Variants in DMD observed in about 807,000 individuals in gnomAD.
DMD encodes mutant dystrophin.
In DMD, 63 loss-of-function variants were observed where a neutral mutation model predicts 330.1. The ratio of observed to expected loss-of-function variants is 0.19; its 90% CI spans 0.16 to 0.24. The LOEUF (loss-of-function observed/expected upper bound fraction) is 0.24. DMD is among the 10% of genes least tolerant of loss of function. The pLI, the probability that DMD is intolerant of heterozygous loss-of-function variation, is 1.00. For missense variants in DMD, 3,344 were observed against 2,684.1 expected, an observed-to-expected ratio of 1.25 and a Z score of -5.43; for synonymous variants, 1,223 against 959.8, an observed-to-expected ratio of 1.27 and a Z score of -5.07.
intron 7 of DMD, among the ~76,000 whole-genome samples, chrX:32,753,471 CAT>C (rs1050834793): frequency 5.4e-5 from 6 of 111,539 alleles, no homozygotes; most frequent in African/African-American, 2.0e-4. Flanking sequence ...TTTTCATACT[CAT>C]AAAGATTTCC....
chrX:32,748,947 G>GTT (rs2070438180), intron 7 of DMD, among the ~76,000 whole-genome samples: 1 of 112,401 alleles, frequency 8.9e-6, no homozygotes, highest in African/African-American at 3.2e-5. Context: ...TAACTGGACT[G>GTT]TTTAATGTGA....
intron 50 of DMD, among the ~76,000 whole-genome samples, chrX:31,807,316 A>G (rs1294534200): frequency 2.7e-5 from 3 of 111,867 alleles, no homozygotes; most frequent in East Asian, 2.8e-4. Context: ...CTGTTTAAAC[A>G]TATTTATTTA....
chrX:31,730,645 G>A (rs2086436780), intron 51 of DMD, among the ~76,000 whole-genome samples: 1 of 111,091 alleles, frequency 9.0e-6, no homozygotes. Context: ...TGAAAAAAAG[G>A]CATCTGACTA....
intron 42 of DMD, among the ~76,000 whole-genome samples, chrX:32,297,085 C>G (rs905799246): frequency 1.8e-5 from 2 of 110,461 alleles, no homozygotes. Context: ...CAGTTAGGCA[C>G]AGTTTTCATC....
chrX:31,877,879 G>T (rs973563417), intron 47 of DMD, among the ~76,000 whole-genome samples: 1 of 111,819 alleles, frequency 8.9e-6, no homozygotes, highest in Non-Finnish European at 1.9e-5. Context: ...GCGTTTTACA[G>T]CTTCAACTAA....
intron 63 of DMD, among the ~76,000 whole-genome samples, chrX:31,236,148 C>T (rs189284294): frequency 8.9e-4 from 100 of 112,362 alleles, no homozygotes; most frequent in Middle Eastern, 4.6e-3. Flanking sequence ...CGTCTTGGAA[C>T]CATCAGGACC....
At chrX:32,254,814 G>T (rs748666069) in intron 43 of DMD, among the ~76,000 whole-genome samples, 3 of 111,705 alleles carry the variant, frequency 2.7e-5, no homozygotes, top group African/African-American at 6.5e-5. Context: ...CAGCAATTTG[G>T]GCACATGGGC....
intron 1 of DMD, among the ~76,000 whole-genome samples, chrX:33,124,217 C>T (rs185936521): frequency 0.019 from 1,998 of 107,722 alleles, 54 homozygotes; most frequent in African/African-American, 0.064. Context: ...GTGGCTCACG[C>T]CTGTAACCCC....
intron 44 of DMD, among the ~76,000 whole-genome samples, chrX:32,020,789 C>G (rs761461682): frequency 8.9e-6 from 1 of 112,311 alleles, no homozygotes; most frequent in Non-Finnish European, 1.9e-5. Flanking sequence ...AAAAGTAATG[C>G]CAATTAATAA....
intron 44 of DMD, among the ~76,000 whole-genome samples, chrX:32,118,160 G>A (rs2096618999): frequency 9.0e-6 from 1 of 111,603 alleles, no homozygotes; most frequent in African/African-American, 3.3e-5. Context: ...GGCCTGTGAG[G>A]TGGGGGAAGG....
intron 1 of DMD, among the ~76,000 whole-genome samples, chrX:33,075,231 C>T: frequency 8.9e-6 from 1 of 112,012 alleles, no homozygotes; most frequent in Non-Finnish European, 1.9e-5. Flanking sequence ...CCAGAAGAGA[C>T]TCAGTGCACA....
At chrX:32,517,687 T>G in intron 18 of DMD, 1 of 356,626 alleles carries the variant, frequency 2.8e-6, no homozygotes. Flanking sequence ...TGCTAAGGCC[T>G]AGCCTTGAGG....
chrX:33,009,935 T>C lies in DMD; in HGVS notation c.93+10204A>G, dbSNP rs1379467041. ...GTGTATATGTGTGTATACACATGTG[T>C]GTATATACACGTGTGTATGTGTATA... On this transcript the variant is annotated intron_variant, in intron 2 of 78. Transcript: ENST00000357033. 8.4e-5 allele frequency among the ~76,000 whole-genome samples: 5 copies of C among 59,262 alleles called. 2 individuals carry two copies. The highest frequency in any genetic ancestry group is 3.7e-4 in the African/African-American group (5 of 13,668). The allele number at this position is 59,262 out of a possible 115,157, so 51.5% of individuals were successfully genotyped here.
chrX:31,181,220 C>A (rs1302411349), intron 68 of DMD, among the ~76,000 whole-genome samples: 1 of 111,882 alleles, frequency 8.9e-6, no homozygotes, highest in Non-Finnish European at 1.9e-5. Context: ...CTTTTGCTTT[C>A]TCAGATAAGA....
Position 32,061,946 on chromosome X carries a change from T to G in DMD, c.6439-93432A>C, listed in dbSNP as rs534882037. 5.1e-4 allele frequency among the ~76,000 whole-genome samples: 57 copies of G among 111,434 alleles called. No homozygotes were observed. In the South Asian group the frequency reaches 0.021, roughly 41 times the overall value. The stretch of plus-strand genomic sequence containing the variant: ...ACATGAACTCTTTATTCTAATAAAT[T>G]ACAGAGTCCACATGTGGGAGATGCT... On this transcript the variant is annotated intron_variant, in intron 44 of 78. Coordinates refer to ENST00000357033, the MANE Select transcript of DMD (RefSeq NM_004006.3).
intron 55 of DMD, among the ~76,000 whole-genome samples, chrX:31,564,944 TGAAAGTAA>T (rs2147882778): frequency 8.9e-6 from 1 of 112,473 alleles, no homozygotes; most frequent in South Asian, 3.7e-4. Flanking sequence ...AGGTGAAGCA[TGAAAGTAA>T]GTCACTTCAG....
intron 1 of DMD, among the ~76,000 whole-genome samples, chrX:33,297,603 G>C (rs760844201): frequency 9.0e-6 from 1 of 110,990 alleles, no homozygotes; most frequent in South Asian, 3.7e-4. Context: ...GTGGATGTAT[G>C]GATGAATAAA....
At chrX:33,041,658 G>A (rs2094304096) in intron 1 of DMD, 1 of 1,209,097 alleles carries the variant, frequency 8.3e-7, no homozygotes, top group Non-Finnish European at 1.1e-6. Flanking sequence ...AAAAAGACTT[G>A]GAAGAAGCTG....
At chrX:33,242,660 G>A (rs2052604686) in intron 1 of DMD, among the ~76,000 whole-genome samples, 1 of 111,718 alleles carries the variant, frequency 9.0e-6, no homozygotes, top group Non-Finnish European at 1.9e-5. Flanking sequence ...GTTATTTAAG[G>A]AATCTCCACA....
Sources: gnomAD v4.1 joint callset for allele counts (sites outside exome capture counted in the v4.1 genomes callset) on GRCh38, gnomAD v4.1.1 for gene constraint, MANE v1.5 for transcripts, NCBI Gene and HGNC (gene_info 2026-07-23, HGNC 2026-07-21) for gene names.